Variants in ARVCF observed in about 807,000 individuals in gnomAD.
The protein encoded by ARVCF is ARVCF delta catenin family member, also known as splicing regulator ARVCF.
In ARVCF, 66 loss-of-function variants were observed where a neutral mutation model predicts 90.9. The observed-to-expected ratio is 0.73, with a 90% CI of 0.60 to 0.89. The LOEUF (loss-of-function observed/expected upper bound fraction) is 0.89. Among genes scored for constraint, ARVCF ranks in the 40% least tolerant of loss-of-function variants. ARVCF has a pLI of 0.00. For synonymous variants in ARVCF, 653 were observed against 603.4 expected (o/e 1.08, Z -1.21); for missense variants, 1,469 against 1,382.3 (o/e 1.06, Z -1.00).
chr22:20,009,576 G>A (rs1449249104), intron 2 of ARVCF, among the ~76,000 whole-genome samples: 1 of 152,224 alleles, frequency 6.6e-6, no homozygotes, highest in Non-Finnish European at 1.5e-5. Context: ...GTGGGGACTG[G>A]AGGAACAAGA....
Position 19,990,789 on chromosome 22 carries a change from C to T in ARVCF, c.6G>A (p.Glu2=), listed in dbSNP as rs770488517. The change falls in exon 3 of 20, where the codon GAG becomes GAA. Residue 2 remains glutamate, a synonymous_variant. Coordinates refer to ENST00000263207, the MANE Select transcript of ARVCF (RefSeq NM_001670.3). ...TGGCGGCCGAGTGCACATTGCAGTC[C>T]TCCATGACCAGAGCGCCCGCCAGCT... is the stretch of plus-strand genomic sequence containing the variant. M[E]DCNVHSAASI... The T allele has an allele frequency of 6.4e-7, 1 of 1,564,724 alleles. No individual in the cohort carries two copies. Among genetic ancestry groups the T allele is most frequent in the Non-Finnish European group, 8.7e-7 (1 of 1,152,966 alleles).
At chr22:19,995,872 G>C (rs989496464) in intron 2 of ARVCF, among the ~76,000 whole-genome samples, 1 of 152,178 alleles carries the variant, frequency 6.6e-6, no homozygotes, top group Non-Finnish European at 1.5e-5. Flanking sequence ...CTACAAGGAG[G>C]AAATGATGCC....
chr22:19,984,698 G>A (rs1013632171), intron 3 of ARVCF, among the ~76,000 whole-genome samples: 1 of 152,160 alleles, frequency 6.6e-6, no homozygotes, highest in Non-Finnish European at 1.5e-5. Flanking sequence ...AGGGCACGGC[G>A]CCCACTGTTC....
At chr22:19,980,397 G>A in intron 5 of ARVCF, 155 bp from the exon 6 acceptor site, 1 of 1,180,796 alleles carries the variant, frequency 8.5e-7, no homozygotes, top group South Asian at 1.9e-5. Flanking sequence ...TGGGGACACA[G>A]AGAGTCATGC....
intron 7 of ARVCF, among the ~76,000 whole-genome samples, chr22:19,978,454 A>G (rs1356440218): frequency 6.6e-6 from 1 of 152,144 alleles, no homozygotes; most frequent in Non-Finnish European, 1.5e-5. Context: ...CAAGGTCAAG[A>G]GCCTGCAGGG....
Position 20,007,121 on chromosome 22 carries a change from G to A in ARVCF, c.-19+3334C>T, listed in dbSNP as rs373834631. On this transcript the variant is annotated intron_variant, in intron 2 of 19. Transcript: ENST00000263207. ...ATACAAAAATTAGCCAGGCATGGCC[G>A]GGAGCGGTGGCTCACACCTGTAATC... Among the ~76,000 whole-genome samples, 291 of 152,202 alleles carry A rather than the reference G, an allele frequency of 1.9e-3. 1 individual carries two copies. The highest frequency in any genetic ancestry group is 6.7e-3 in the African/African-American group (280 of 41,536).
intron 5 of ARVCF, chr22:19,981,001 G>A: frequency 1.7e-6 from 1 of 592,790 alleles, no homozygotes; most frequent in Non-Finnish European, 2.8e-6. Context: ...CAGCTTTCCT[G>A]GGCCCTGGGC....
chr22:20,009,661 G>A (rs114653637), intron 2 of ARVCF, among the ~76,000 whole-genome samples: 1,824 of 152,352 alleles, frequency 0.012, 44 homozygotes, highest in African/African-American at 0.042. Context: ...CTCTGGCAGC[G>A]TGGATGTGAG....
chr22:19,994,523 T>G (rs925720676), intron 2 of ARVCF, among the ~76,000 whole-genome samples: 6 of 28,336 alleles, frequency 2.1e-4, no homozygotes, highest in East Asian at 9.9e-4. Flanking sequence ...GATGGGTGGG[T>G]GGGGGGATGG....
chr22:20,004,249 T>C (rs1178878480), intron 2 of ARVCF, among the ~76,000 whole-genome samples: 4 of 152,188 alleles, frequency 2.6e-5, no homozygotes, highest in Non-Finnish European at 4.4e-5. Context: ...ATATCCCATG[T>C]TCATGGCTGG....
At chr22:20,003,085 C>G (rs748746387) in intron 2 of ARVCF, among the ~76,000 whole-genome samples, 55 of 152,262 alleles carry the variant, frequency 3.6e-4, no homozygotes, top group Non-Finnish European at 6.8e-4. Flanking sequence ...TGGTAACAGA[C>G]TACCATAAAG....
chr22:19,968,493 C>G (rs1310735059), downstream of ARVCF: 1 of 1,585,934 alleles, frequency 6.3e-7, no homozygotes, highest in African/African-American at 1.3e-5. Context: ...GTTCTCTGGG[C>G]ACCTCTGACC....
intron 10 of ARVCF, 106 bp downstream of exon 10, chr22:19,976,597 GTGA>G: frequency 7.1e-7 from 1 of 1,401,564 alleles, no homozygotes. Context: ...GGCAGCCCGA[GTGA>G]TGAAGCCAGG....
intron 2 of ARVCF, among the ~76,000 whole-genome samples, chr22:19,996,386 C>G (rs1304809766): frequency 6.6e-6 from 1 of 151,704 alleles, no homozygotes; most frequent in Admixed American, 6.5e-5. Context: ...GCAACACATG[C>G]AGTGAGCGTT....
intron 2 of ARVCF, among the ~76,000 whole-genome samples, chr22:19,998,490 G>A (rs1429499595): frequency 6.6e-6 from 1 of 152,192 alleles, no homozygotes; most frequent in Non-Finnish European, 1.5e-5. Context: ...CTTCAGGTTA[G>A]GCCAGCCCGC....
chr22:19,975,846 G>T, intron 10 of ARVCF, 89 bp from the exon 11 acceptor site: 1 of 1,346,550 alleles, frequency 7.4e-7, no homozygotes, highest in Non-Finnish European at 1.1e-6. Flanking sequence ...CTCCTACCCA[G>T]GCCCCAAAAG....
At chr22:19,975,465 A>T (rs948824136) in intron 11 of ARVCF, among the ~76,000 whole-genome samples, 1 of 151,910 alleles carries the variant, frequency 6.6e-6, no homozygotes, top group Non-Finnish European at 1.5e-5. Flanking sequence ...GTCTCCCCCA[A>T]CCTTGCCTGA....
chr22:19,973,963 G>T, intron 12 of ARVCF, 149 bp downstream of exon 12: 2 of 1,469,312 alleles, frequency 1.4e-6, no homozygotes, highest in East Asian at 2.3e-5. Context: ...CAGGGTGCAC[G>T]CATTGCCCGC....
intron 2 of ARVCF, among the ~76,000 whole-genome samples, chr22:20,002,793 G>T (rs778554785): frequency 2.0e-5 from 3 of 152,180 alleles, no homozygotes; most frequent in Non-Finnish European, 4.4e-5. Flanking sequence ...AGCAGCTGCT[G>T]ATGTGTGGAA....
Sources: gnomAD v4.1 joint callset for allele counts (sites outside exome capture counted in the v4.1 genomes callset) on GRCh38, gnomAD v4.1.1 for gene constraint, MANE v1.5 for transcripts, NCBI Gene and HGNC (gene_info 2026-07-23, HGNC 2026-07-21) for gene names.